The following PRKCE variants were observed in gnomAD, a reference collection of about 807,000 sequenced individuals.
The protein encoded by PRKCE is protein kinase C epsilon type.
In PRKCE, 16 loss-of-function variants were observed where a neutral mutation model predicts 85.4. That is an observed-to-expected ratio of 0.19 (90% CI 0.13 to 0.28). PRKCE has a LOEUF of 0.28. PRKCE is among the 10% of genes least tolerant of loss of function. PRKCE has a pLI of 1.00. For synonymous variants in PRKCE, 388 were observed against 371.5 expected (o/e 1.04, Z -0.51); for missense variants, 573 against 975.2 (o/e 0.59, Z 5.49).
In PRKCE at chr2:45,980,330, G is replaced by C; in HGVS notation, c.642G>C (p.Glu214Asp). The C allele has an allele frequency of 6.3e-7, 1 of 1,599,666 alleles. No homozygotes were observed. The change falls in exon 5 of 15, where the codon GAG (glutamate) becomes GAC (aspartate). Residue 214 changes from glutamate (E) to aspartate (D), a missense_variant. Transcript: ENST00000306156. ...GCGTGGTCCACAAGCGGTGCCACGAGCTCATAATCACAAAGTGTGCTGGGT... is the reference window on the plus strand; with the variant it reads ...GCGTGGTCCACAAGCGGTGCCACGACCTCATAATCACAAAGTGTGCTGGGT... ...CTCVVHKRCHELIITKCAGLK... is the reference protein window; with the variant it reads ...CTCVVHKRCHDLIITKCAGLK...
chr2:45,990,032 A>G lies in PRKCE; in HGVS notation c.823+5352A>G, dbSNP rs982843168. 7.2e-5 allele frequency among the ~76,000 whole-genome samples: 11 copies of G among 152,334 alleles called. No individual in the cohort carries two copies. In the South Asian group the frequency reaches 1.5e-3, roughly 20 times the overall value. On this transcript the variant is annotated intron_variant, in intron 6 of 14. Coordinates refer to ENST00000306156, the MANE Select transcript of PRKCE (RefSeq NM_005400.3). ...ACACTGCGTTAGAGTCTATTGCTAC[A>G]TAACAAATGACCCCAGGACATAGTG...
At chr2:46,137,509 G>A (rs780725245) in intron 11 of PRKCE, among the ~76,000 whole-genome samples, 8 of 151,632 alleles carry the variant, frequency 5.3e-5, no homozygotes, top group South Asian at 4.2e-4. Context: ...CTAGCACTTC[G>A]GGAGGCCAAG....
rs533362457 is a variant in PRKCE, at chr2:45,776,400, C to G, written c.349-66600C>G. Among the ~76,000 whole-genome samples, 13 of 152,280 alleles carry G rather than the reference C, an allele frequency of 8.5e-5. 1 individual carries two copies. The highest frequency in any genetic ancestry group is 3.1e-4 in the African/African-American group (13 of 41,558). Reference sequence around the variant, plus strand: ...TAGGCGTTGGTGGACTTGAGAGGAACTGAAATTGCCACTGCTCCTGAAGAG... The same window carrying G: ...TAGGCGTTGGTGGACTTGAGAGGAAGTGAAATTGCCACTGCTCCTGAAGAG... On this transcript the variant is annotated intron_variant, in intron 1 of 14. Transcript: ENST00000306156.
At chr2:45,812,744 C>A (rs1012063667) in intron 1 of PRKCE, among the ~76,000 whole-genome samples, 2 of 152,086 alleles carry the variant, frequency 1.3e-5, no homozygotes, top group African/African-American at 4.8e-5. Flanking sequence ...TTAAAGCACC[C>A]GGCAGGGACT....
chr2:46,060,524 C>T (rs1305427435), intron 10 of PRKCE, among the ~76,000 whole-genome samples: 1 of 152,150 alleles, frequency 6.6e-6, no homozygotes, highest in Non-Finnish European at 1.5e-5. Flanking sequence ...GGGGAAAGAC[C>T]AGAGAAGGAA....
chr2:45,744,455 T>TTC (rs1420122924), intron 1 of PRKCE, among the ~76,000 whole-genome samples: 2 of 59,582 alleles, frequency 3.4e-5, no homozygotes, highest in Non-Finnish European at 6.6e-5. Context: ...CTTTCTTTCT[T>TTC]TCTTTCTTTC....
intron 5 of PRKCE, among the ~76,000 whole-genome samples, chr2:45,982,262 T>A (rs1702952113): frequency 6.8e-6 from 1 of 147,714 alleles, no homozygotes. Context: ...GACCAAACTT[T>A]GAGTTCGTTC....
At chr2:46,073,091 C>T (rs775528243) in intron 10 of PRKCE, among the ~76,000 whole-genome samples, 4 of 152,206 alleles carry the variant, frequency 2.6e-5, no homozygotes, top group African/African-American at 4.8e-5. Context: ...CCAAGGGGTT[C>T]TAAACGTCCA....
intron 1 of PRKCE, among the ~76,000 whole-genome samples, chr2:45,831,142 C>T (rs768631965): frequency 2.2e-4 from 33 of 152,108 alleles, no homozygotes; most frequent in Admixed American, 6.5e-5. Flanking sequence ...AATTGGTAGA[C>T]TGTAAGATGA....
chr2:45,891,914 C>T (rs933172493), intron 2 of PRKCE, among the ~76,000 whole-genome samples: 1 of 152,160 alleles, frequency 6.6e-6, no homozygotes, highest in Non-Finnish European at 1.5e-5. Flanking sequence ...CAGTGGCTCC[C>T]GTCCCCACGT....
At position 45,878,282 on chromosome 2, in the gene PRKCE, G is replaced by A. The variant is rs137871929; in HGVS notation, c.412+35219G>A. Among the ~76,000 whole-genome samples, 252 of 152,306 alleles carry A rather than the reference G, an allele frequency of 1.7e-3. 1 individual carries two copies. Among genetic ancestry groups the A allele is most frequent in the African/African-American group, 5.7e-3 (236 of 41,564 alleles). ...AATCTTATCTGGACCTGTTATGAAG[G>A]CATCCTCCTCTAGTGTTTGCATCTG... On this transcript the variant is annotated intron_variant, in intron 2 of 14. Coordinates refer to ENST00000306156, the MANE Select transcript of PRKCE (RefSeq NM_005400.3).
At chr2:45,699,836 C>T (rs776027058) in intron 1 of PRKCE, among the ~76,000 whole-genome samples, 2 of 152,006 alleles carry the variant, frequency 1.3e-5, no homozygotes, top group African/African-American at 2.4e-5. Flanking sequence ...CTTGGAATCC[C>T]GGAAGGCACC....
intron 1 of PRKCE, among the ~76,000 whole-genome samples, chr2:45,751,085 A>G (rs1203976641): frequency 6.6e-6 from 1 of 152,158 alleles, no homozygotes. Context: ...TGGTTCCCCA[A>G]GCCCCCTGGG....
chr2:45,683,408 C>T (rs1436631144), intron 1 of PRKCE, among the ~76,000 whole-genome samples: 1 of 152,184 alleles, frequency 6.6e-6, no homozygotes, highest in Non-Finnish European at 1.5e-5. Flanking sequence ...TATTTTCAGG[C>T]CCAGTCTCCT....
chr2:46,094,362 C>T (rs984561374), intron 11 of PRKCE, among the ~76,000 whole-genome samples: 1 of 152,180 alleles, frequency 6.6e-6, no homozygotes, highest in Non-Finnish European at 1.5e-5. Context: ...AATATTGAGA[C>T]TTTCCTTTTA....
intron 6 of PRKCE, among the ~76,000 whole-genome samples, chr2:45,988,573 C>T (rs1574132334): frequency 1.3e-5 from 2 of 152,344 alleles, no homozygotes; most frequent in East Asian, 3.9e-4. Context: ...TTGCAGGATG[C>T]TCACACGATC....
At chr2:45,712,044 T>TA (rs1462587838) in intron 1 of PRKCE, among the ~76,000 whole-genome samples, 1 of 152,074 alleles carries the variant, frequency 6.6e-6, no homozygotes, top group Non-Finnish European at 1.5e-5. Context: ...CCCCCACTGT[T>TA]ACTTGAGTAA....
chr2:46,120,554 A>G (rs1029548218), intron 11 of PRKCE, among the ~76,000 whole-genome samples: 1 of 152,124 alleles, frequency 6.6e-6, no homozygotes, highest in Non-Finnish European at 1.5e-5. Context: ...GGCTAGTAAG[A>G]TTTATACAGA....
intron 2 of PRKCE, among the ~76,000 whole-genome samples, chr2:45,861,736 G>A (rs982118356): frequency 6.6e-6 from 1 of 152,164 alleles, no homozygotes; most frequent in African/African-American, 2.4e-5. Flanking sequence ...TGATGAACCT[G>A]CCTAGGTAGT....
Sources: gnomAD v4.1 joint callset for allele counts (sites outside exome capture counted in the v4.1 genomes callset) on GRCh38, gnomAD v4.1.1 for gene constraint, MANE v1.5 for transcripts, NCBI Gene and HGNC (gene_info 2026-07-23, HGNC 2026-07-21) for gene names.